Variants in CUL5 observed in about 807,000 individuals in gnomAD.
CUL5 encodes the protein cullin 5, also known as cullin-5.
In CUL5, 26 loss-of-function variants were observed where a neutral mutation model predicts 108.8. The observed-to-expected ratio is 0.24, with a 90% CI of 0.18 to 0.33. The LOEUF is 0.33. Ranked by LOEUF, CUL5 falls within the 10% of genes least tolerant of loss-of-function variation. The probability of loss-of-function intolerance (pLI) is 1.00; values close to 1 mark genes in which losing one functional copy is unlikely to be tolerated. For synonymous variants in CUL5, 334 were observed against 298.0 expected (o/e 1.12, Z -1.25); for missense variants, 524 against 909.2 (o/e 0.58, Z 5.45).
At chr11:108,095,833 C>T (rs1334602823) in intron 16 of CUL5, 142 bp downstream of exon 16, 8 of 729,706 alleles carry the variant, frequency 1.1e-5, no homozygotes, top group African/African-American at 1.8e-5. Context: ...CAGTGGATCA[C>T]GCCTGTAATC....
At chr11:108,040,321 A>T (rs1053327989) in intron 2 of CUL5, among the ~76,000 whole-genome samples, 1 of 152,086 alleles carries the variant, frequency 6.6e-6, no homozygotes, top group Non-Finnish European at 1.5e-5. Context: ...TCTACAAAAA[A>T]TTAGCCAAGG....
intron 11 of CUL5, among the ~76,000 whole-genome samples, chr11:108,088,307 T>C (rs1211631068): frequency 1.3e-5 from 2 of 152,198 alleles, no homozygotes; most frequent in East Asian, 3.9e-4. Flanking sequence ...AGAAGGTTCT[T>C]ACTCTCAGGA....
intron 1 of CUL5, among the ~76,000 whole-genome samples, chr11:108,015,574 C>G (rs2135037766): frequency 6.6e-6 from 1 of 152,240 alleles, no homozygotes; most frequent in African/African-American, 2.4e-5. Flanking sequence ...AGTGTACTGT[C>G]CTAGAGAGAT....
At chr11:108,050,885 TCA>T (rs1234786320) in intron 4 of CUL5, among the ~76,000 whole-genome samples, 1 of 152,230 alleles carries the variant, frequency 6.6e-6, no homozygotes, top group Admixed American at 6.5e-5. Context: ...TGGAAAGAAC[TCA>T]GTGCTGAATA....
At chr11:108,057,416 G>A (rs1018582306) in intron 7 of CUL5, among the ~76,000 whole-genome samples, 1 of 152,150 alleles carries the variant, frequency 6.6e-6, no homozygotes, top group African/African-American at 2.4e-5. Context: ...GAAGCCTGAA[G>A]ACACCATCTT....
chr11:108,048,812 G>A (rs919447294), intron 3 of CUL5, among the ~76,000 whole-genome samples: 5 of 151,754 alleles, frequency 3.3e-5, no homozygotes, highest in African/African-American at 7.3e-5. Context: ...GATTACAGGC[G>A]CATGCCACCA....
intron 11 of CUL5, among the ~76,000 whole-genome samples, chr11:108,081,368 A>G (rs565154830): frequency 6.6e-6 from 1 of 152,310 alleles, no homozygotes; most frequent in East Asian, 1.9e-4. Context: ...GCTTTTGTAT[A>G]TGGTGTGAGA....
chr11:108,026,630 C>G (rs766273627), intron 1 of CUL5, among the ~76,000 whole-genome samples: 1 of 152,126 alleles, frequency 6.6e-6, no homozygotes, highest in Non-Finnish European at 1.5e-5. Context: ...TCCCTTTCCC[C>G]ACATCATCAA....
intron 5 of CUL5, among the ~76,000 whole-genome samples, chr11:108,053,697 A>G (rs1273112192): frequency 6.9e-6 from 1 of 145,064 alleles, no homozygotes; most frequent in Non-Finnish European, 1.5e-5. Flanking sequence ...TTTTTTTTTA[A>G]GAGATGGGGT....
At chr11:108,075,454 A>C (rs1243500822) in intron 10 of CUL5, among the ~76,000 whole-genome samples, 1 of 152,200 alleles carries the variant, frequency 6.6e-6, no homozygotes, top group Non-Finnish European at 1.5e-5. Context: ...AATAGTGGGA[A>C]AAGTATAAGG....
intron 2 of CUL5, among the ~76,000 whole-genome samples, chr11:108,042,920 G>A (rs1465468150): frequency 6.6e-6 from 1 of 151,720 alleles, no homozygotes; most frequent in Non-Finnish European, 1.5e-5. Context: ...GCACCACCAC[G>A]CCTGGCTAAT....
chr11:108,075,892 C>G (rs943307706), intron 10 of CUL5, among the ~76,000 whole-genome samples: 3 of 152,160 alleles, frequency 2.0e-5, no homozygotes, highest in African/African-American at 7.2e-5. Context: ...TGTCATCTCA[C>G]TGGTGAAGGA....
At chr11:108,090,897 AAAAG>A (rs1346398597) in intron 13 of CUL5, among the ~76,000 whole-genome samples, 1 of 152,194 alleles carries the variant, frequency 6.6e-6, no homozygotes, top group Non-Finnish European at 1.5e-5. Flanking sequence ...CTTAGTAGGA[AAAAG>A]AATGATTATT....
At chr11:108,027,288 C>A (rs1216304807) in intron 1 of CUL5, among the ~76,000 whole-genome samples, 1 of 135,646 alleles carries the variant, frequency 7.4e-6, no homozygotes, top group Non-Finnish European at 1.6e-5. Context: ...TTTTTTTTTT[C>A]TTTGAGACAG....
chr11:108,069,637 C>A (rs1863773375), intron 7 of CUL5, among the ~76,000 whole-genome samples: 1 of 152,152 alleles, frequency 6.6e-6, no homozygotes, highest in South Asian at 2.1e-4. Flanking sequence ...TCCTCACTCT[C>A]AATTAGACAG....
chr11:108,049,738 G>GT (rs1216336847), intron 3 of CUL5, 152 bp from the exon 4 acceptor site: 16 of 631,100 alleles, frequency 2.5e-5, no homozygotes, highest in East Asian at 1.1e-4. Flanking sequence ...TCGTGTACAA[G>GT]TTTTTTTGTG....
At chr11:108,068,900 A>G (rs11602683) in intron 7 of CUL5, among the ~76,000 whole-genome samples, 17,135 of 152,130 alleles carry the variant, frequency 0.11, 976 homozygotes, top group South Asian at 0.13. Flanking sequence ...CCTTACTACC[A>G]TTATACTGAT....
chr11:108,084,150 C>T (rs192130414), intron 11 of CUL5, among the ~76,000 whole-genome samples: 8 of 152,284 alleles, frequency 5.3e-5, no homozygotes, highest in Admixed American at 3.9e-4. Flanking sequence ...GGGAGACTTG[C>T]TTCTGAGGAG....
At chr11:108,074,320 G>C (rs1035923860) in intron 10 of CUL5, among the ~76,000 whole-genome samples, 4 of 150,076 alleles carry the variant, frequency 2.7e-5, no homozygotes, top group Non-Finnish European at 5.9e-5. Context: ...TCAGCCTCTC[G>C]AGTAGCTGGG....
Sources: gnomAD v4.1 joint callset for allele counts (sites outside exome capture counted in the v4.1 genomes callset) on GRCh38, gnomAD v4.1.1 for gene constraint, MANE v1.5 for transcripts, NCBI Gene and HGNC (gene_info 2026-07-23, HGNC 2026-07-21) for gene names.